The following RUNX1 variants were observed in gnomAD, a reference collection of about 807,000 sequenced individuals.
RUNX1 encodes the protein RUNX family transcription factor 1, also known as runt-related transcription factor 1.
Under a neutral mutation model 42.8 loss-of-function variants are expected in RUNX1, and 19 were observed. The observed-to-expected ratio is 0.44, with a 90% CI of 0.31 to 0.65. The LOEUF is 0.65. Ranked by LOEUF, RUNX1 falls within the 30% of genes least tolerant of loss-of-function variation. The pLI, the probability that RUNX1 is intolerant of heterozygous loss-of-function variation, is 0.07. For missense variants in RUNX1, 528 were observed against 672.0 expected, an observed-to-expected ratio of 0.79 and a Z score of 2.37; for synonymous variants, 271 against 289.4, an observed-to-expected ratio of 0.94 and a Z score of 0.64.
chr21:34,820,994 T>A (rs1297109427), intron 7 of RUNX1, among the ~76,000 whole-genome samples: 2 of 152,210 alleles, frequency 1.3e-5, no homozygotes, highest in African/African-American at 4.8e-5. Context: ...TATAGGGCTT[T>A]GAGCAAAGAA....
intron 7 of RUNX1, among the ~76,000 whole-genome samples, chr21:34,828,471 T>C (rs995836175): frequency 4.6e-5 from 7 of 152,206 alleles, no homozygotes; most frequent in Non-Finnish European, 1.0e-4. Flanking sequence ...CTTTCGACTT[T>C]TGAGTTAATG....
intron 5 of RUNX1, among the ~76,000 whole-genome samples, chr21:34,869,636 T>C (rs1414228397): frequency 2.0e-5 from 3 of 152,182 alleles, no homozygotes; most frequent in South Asian, 2.1e-4. Flanking sequence ...AAAATATGCA[T>C]GGATGTTCAC....
chr21:34,808,104 T>C (rs2056706402), intron 7 of RUNX1, among the ~76,000 whole-genome samples: 1 of 152,052 alleles, frequency 6.6e-6, no homozygotes, highest in South Asian at 2.1e-4. Flanking sequence ...ATAACATGAG[T>C]CAGTCAGCAC....
intron 2 of RUNX1, among the ~76,000 whole-genome samples, chr21:35,007,458 T>TA (rs2059093758): frequency 6.6e-6 from 1 of 152,150 alleles, no homozygotes; most frequent in South Asian, 2.1e-4. Context: ...TCCCTGCAGT[T>TA]AGCCCTGCTC....
At chr21:35,010,635 A>G (rs1020914156) in intron 2 of RUNX1, among the ~76,000 whole-genome samples, 2 of 151,750 alleles carry the variant, frequency 1.3e-5, no homozygotes, top group Admixed American at 1.3e-4. Context: ...GCACACACAC[A>G]CACACACACA....
At chr21:35,041,635 C>A (rs1188811616) in intron 2 of RUNX1, among the ~76,000 whole-genome samples, 2 of 149,976 alleles carry the variant, frequency 1.3e-5, no homozygotes, top group African/African-American at 2.5e-5. Context: ...TTCATTCATC[C>A]TTTCTTTCTT....
chr21:34,798,405 G>A (rs1405115516), intron 8 of RUNX1, among the ~76,000 whole-genome samples: 1 of 152,098 alleles, frequency 6.6e-6, no homozygotes, highest in African/African-American at 2.4e-5. Flanking sequence ...AAGCCCAAAG[G>A]GCTCATAGGT....
intron 2 of RUNX1, among the ~76,000 whole-genome samples, chr21:35,006,501 C>T (rs1412823128): frequency 1.3e-5 from 2 of 152,056 alleles, no homozygotes; most frequent in Admixed American, 6.5e-5. Context: ...GGCCTGGGAA[C>T]GAGCCTCAGG....
At chr21:34,938,925 A>T (rs2058506417) in intron 2 of RUNX1, among the ~76,000 whole-genome samples, 1 of 152,180 alleles carries the variant, frequency 6.6e-6, no homozygotes, top group Non-Finnish European at 1.5e-5. Flanking sequence ...TGTTGAGATC[A>T]AGGGACTTTA....
chr21:34,918,464 C>A (rs1022358772), intron 2 of RUNX1, among the ~76,000 whole-genome samples: 2 of 152,208 alleles, frequency 1.3e-5, no homozygotes, highest in African/African-American at 4.8e-5. Flanking sequence ...CTATGTTTAA[C>A]AGATTATTTT....
At chr21:34,939,202 G>C (rs1266284186) in intron 2 of RUNX1, among the ~76,000 whole-genome samples, 1 of 152,096 alleles carries the variant, frequency 6.6e-6, no homozygotes, top group Non-Finnish European at 1.5e-5. Context: ...TTATCCTCTG[G>C]AACAAAACAG....
intron 8 of RUNX1, among the ~76,000 whole-genome samples, chr21:34,796,194 A>G (rs960484799): frequency 4.6e-5 from 7 of 152,156 alleles, no homozygotes; most frequent in African/African-American, 1.7e-4. Flanking sequence ...GAACATCCAA[A>G]AGAAAGAGCT....
At chr21:34,886,231 C>T (rs2057984344) in intron 4 of RUNX1, among the ~76,000 whole-genome samples, 1 of 152,194 alleles carries the variant, frequency 6.6e-6, no homozygotes, top group Non-Finnish European at 1.5e-5. Flanking sequence ...ATACTTGCGG[C>T]TTCTGGCAGG....
intron 7 of RUNX1, among the ~76,000 whole-genome samples, chr21:34,815,974 A>G (rs929623890): frequency 1.3e-5 from 2 of 152,074 alleles, no homozygotes; most frequent in African/African-American, 4.8e-5. Flanking sequence ...GAGACTTCCT[A>G]GGCTCCTCCT....
At chr21:34,947,990 A>G (rs1422624181) in intron 2 of RUNX1, among the ~76,000 whole-genome samples, 1 of 151,936 alleles carries the variant, frequency 6.6e-6, no homozygotes, top group East Asian at 1.9e-4. Context: ...GCACCCAGTC[A>G]GCTCCCCTCC....
chr21:34,922,862 A>G (rs943638790), intron 2 of RUNX1, among the ~76,000 whole-genome samples: 4 of 152,208 alleles, frequency 2.6e-5, no homozygotes, highest in African/African-American at 9.7e-5. Context: ...TTTACTGAAT[A>G]AGTATCTACC....
chr21:34,896,318 G>A (rs186505361), intron 2 of RUNX1, among the ~76,000 whole-genome samples: 1 of 152,128 alleles, frequency 6.6e-6, no homozygotes, highest in South Asian at 2.1e-4. Context: ...ACATTCCAGG[G>A]TGAGCAGAAG....
At position 34,976,709 on chromosome 21, in the gene RUNX1, T is replaced by C. The variant is rs2058804569; in HGVS notation, c.58+72133A>G. Among the ~76,000 whole-genome samples the C allele has an allele frequency of 2.0e-5, 3 of 152,220 alleles. No individual in the cohort carries two copies. The South Asian group carries it at 6.2e-4, about 32-fold the overall frequency. The stretch of plus-strand genomic sequence containing the variant: ...TGATTCAAAAATCAAACAGAGAACC[T>C]AGAGAACTACTGGGGAAGACAATAT... On this transcript the variant is annotated intron_variant, in intron 2 of 8. Coordinates refer to ENST00000675419, the MANE Select transcript of RUNX1 (RefSeq NM_001754.5).
rs551103593 is a variant in RUNX1 at position 34,920,202 on chromosome 21, C to T, written c.59-27239G>A. Among the ~76,000 whole-genome samples the T allele has an allele frequency of 2.0e-3, 306 of 152,284 alleles. 1 individual carries two copies. The highest frequency in any genetic ancestry group is 6.6e-3 in the African/African-American group (275 of 41,552). The stretch of plus-strand genomic sequence containing the variant: ...TTTTTCCCAAAGATACATTTTAGCA[C>T]GTAGGCACACTTTGAGGCTTTACTC... On this transcript the variant is annotated intron_variant, in intron 2 of 8. Transcript: ENST00000675419.
Sources: gnomAD v4.1 joint callset for allele counts (sites outside exome capture counted in the v4.1 genomes callset) on GRCh38, gnomAD v4.1.1 for gene constraint, MANE v1.5 for transcripts, NCBI Gene and HGNC (gene_info 2026-07-23, HGNC 2026-07-21) for gene names.